Variants in DDHD1 observed in about 807,000 individuals in gnomAD.
DDHD1 encodes the protein DDHD domain containing 1.
DDHD1 carries 49 observed loss-of-function variants against 96.4 expected under a neutral mutation model. That is an observed-to-expected ratio of 0.51 (90% CI 0.40 to 0.64). The LOEUF (loss-of-function observed/expected upper bound fraction) is 0.64, where lower values mean the gene tolerates loss of function less well. Among genes scored for constraint, DDHD1 ranks in the 30% least tolerant of loss-of-function variants. The pLI is 0.00. For synonymous variants in DDHD1, 442 were observed against 446.5 expected (o/e 0.99, Z 0.13); for missense variants, 1,106 against 1,161.2 (o/e 0.95, Z 0.69).
chr14:53,055,992 CTGCATGTTAAGTAA>C, intron 9 of DDHD1, 80 bp from the exon 10 acceptor site: 1 of 1,212,196 alleles, frequency 8.2e-7, no homozygotes, highest in African/African-American at 1.5e-5. Context: ...TCTTACTCTA[CTGCATGTTAAGTAA>C]ACCTCCGAGA....
Position 53,152,316 on chromosome 14 carries a change from G to A in DDHD1, c.783C>T (p.Gly261=). ...GGGTCACATCCACCTCGTAGAGGCC[G>A]CCCCGCACGCACACAGGCTCGATGT... ...LVNIEPVCVR[G]GLYEVDVTQG... Residue 261 remains glycine (G), a synonymous_variant, in exon 1 of 13, where the codon GGC becomes GGT. Coordinates refer to ENST00000673822, the MANE Select transcript of DDHD1 (RefSeq NM_001160148.2). 6.2e-7 allele frequency: 1 copy of A among 1,613,898 alleles called. No homozygotes were observed. Among genetic ancestry groups the A allele is most frequent in the Non-Finnish European group, 8.5e-7 (1 of 1,179,894 alleles).
intron 1 of DDHD1, among the ~76,000 whole-genome samples, chr14:53,111,956 T>G (rs921915184): frequency 5.9e-5 from 9 of 152,346 alleles, no homozygotes; most frequent in Non-Finnish European, 1.2e-4. Flanking sequence ...AATTTACATT[T>G]TCAAGGCATT....
chr14:53,125,929 C>T (rs963995757), intron 1 of DDHD1, among the ~76,000 whole-genome samples: 1 of 152,150 alleles, frequency 6.6e-6, no homozygotes, highest in Non-Finnish European at 1.5e-5. Flanking sequence ...TCTCGAACTC[C>T]TGACCTCGTG....
intron 4 of DDHD1, among the ~76,000 whole-genome samples, chr14:53,087,903 G>C (rs891116246): frequency 6.6e-6 from 1 of 152,032 alleles, no homozygotes; most frequent in Admixed American, 6.5e-5. Flanking sequence ...CAACAAAATT[G>C]ATAGACCGCT....
chr14:53,094,094 G>T (rs1014360725), intron 2 of DDHD1, among the ~76,000 whole-genome samples: 1 of 151,630 alleles, frequency 6.6e-6, no homozygotes, highest in African/African-American at 2.4e-5. Flanking sequence ...GGAGAATGGC[G>T]TGAACCTGGG....
At chr14:53,091,005 T>G (rs1886388004) in intron 4 of DDHD1, among the ~76,000 whole-genome samples, 1 of 152,196 alleles carries the variant, frequency 6.6e-6, no homozygotes, top group Non-Finnish European at 1.5e-5. Context: ...TACTTTCTGG[T>G]ATCACACACT....
At chr14:53,133,417 A>G (rs1022799336) in intron 1 of DDHD1, among the ~76,000 whole-genome samples, 3 of 152,272 alleles carry the variant, frequency 2.0e-5, no homozygotes, top group African/African-American at 7.2e-5. Flanking sequence ...ATACAATCTG[A>G]TAACAGACCG....
At chr14:53,143,623 G>C (rs1890792085) in intron 1 of DDHD1, among the ~76,000 whole-genome samples, 1 of 152,154 alleles carries the variant, frequency 6.6e-6, no homozygotes, top group Non-Finnish European at 1.5e-5. Flanking sequence ...AAAGGCAGAG[G>C]ACAACAAAGG....
rs1269318569 is a variant in DDHD1 at position 53,041,765 on chromosome 14, T to G, written c.*5003A>C. On this transcript the variant is annotated 3_prime_UTR_variant, in exon 13 of 13. Transcript: ENST00000673822. ...AGTCTGTCCAGACCTGATAGGGTACTCTTATGAGAGTCTGGAAGAAAGAAG... is the reference window on the plus strand; with the variant it reads ...AGTCTGTCCAGACCTGATAGGGTACGCTTATGAGAGTCTGGAAGAAAGAAG... 6.6e-6 allele frequency: 1 copy of G among 152,300 alleles called. No individual in the cohort carries two copies. The highest frequency in any genetic ancestry group is 1.9e-4 in the East Asian group (1 of 5,188). The allele number at this position is 152,300 out of a possible 1,614,324, so 9.4% of individuals were successfully genotyped here. A position where few individuals can be genotyped will look rare whatever the true frequency, so the allele number is the denominator to read the frequency against.
chr14:53,088,528 A>G (rs1265363883), intron 4 of DDHD1, among the ~76,000 whole-genome samples: 1 of 152,228 alleles, frequency 6.6e-6, no homozygotes, highest in African/African-American at 2.4e-5. Context: ...ATGCAAATCA[A>G]TAAACGTAAT....
chr14:53,131,782 A>G (rs1001033505), intron 1 of DDHD1, among the ~76,000 whole-genome samples: 4 of 151,956 alleles, frequency 2.6e-5, no homozygotes, highest in Admixed American at 6.6e-5. Flanking sequence ...CCTCCTACAA[A>G]TCTTCCCAAC....
At chr14:53,070,104 C>A (rs1015588698) in intron 6 of DDHD1, among the ~76,000 whole-genome samples, 3 of 152,144 alleles carry the variant, frequency 2.0e-5, no homozygotes, top group Non-Finnish European at 2.9e-5. Context: ...AGGGGTACCA[C>A]CAACCATATA....
At chr14:53,075,059 T>TCCCTG (rs1884843627) in intron 4 of DDHD1, among the ~76,000 whole-genome samples, 1 of 152,152 alleles carries the variant, frequency 6.6e-6, no homozygotes, top group Admixed American at 6.6e-5. Context: ...TTCCGTATTA[T>TCCCTG]CCCTGAGACA....
In DDHD1 at chr14:53,126,198, GTATTTTTATGTA is replaced by G. The variant is rs1304067559; in HGVS notation, c.839-22354_839-22343del. Among the ~76,000 whole-genome samples the G allele has an allele frequency of 6.6e-5, 10 of 151,988 alleles. No homozygotes were observed. The South Asian group carries it at 1.2e-3, about 19-fold the overall frequency. Reference sequence around the variant, plus strand: ...TTTACCCAAGGTAAAAATATTTTCAGTATTTTTATGTATACATATTTACAAATTATGTATATA... The same window carrying G: ...TTTACCCAAGGTAAAAATATTTTCAGTACATATTTACAAATTATGTATATA... On this transcript the variant is annotated intron_variant, in intron 1 of 12. Transcript: ENST00000673822.
intron 9 of DDHD1, 99 bp downstream of exon 9, chr14:53,058,378 G>C: frequency 7.3e-7 from 1 of 1,361,242 alleles, no homozygotes; most frequent in Non-Finnish European, 1.0e-6. Flanking sequence ...GCCTCCCAAA[G>C]TGCTGGGATT....
intron 1 of DDHD1, among the ~76,000 whole-genome samples, chr14:53,132,963 T>C (rs941616980): frequency 6.6e-5 from 10 of 152,156 alleles, no homozygotes; most frequent in Admixed American, 5.2e-4. Context: ...TTTTCCCACA[T>C]AAGGCAAATG....
intron 12 of DDHD1, chr14:53,049,009 T>C (rs952738568): frequency 3.9e-5 from 6 of 152,222 alleles, no homozygotes; most frequent in Non-Finnish European, 1.5e-5. Context: ...TTCTGTTTTT[T>C]AAGTCAAAGA....
intron 9 of DDHD1, among the ~76,000 whole-genome samples, chr14:53,056,209 A>T (rs1392496534): frequency 6.6e-6 from 1 of 152,194 alleles, no homozygotes; most frequent in Non-Finnish European, 1.5e-5. Flanking sequence ...TCTTAGGAGC[A>T]AAGTTGAAGT....
intron 4 of DDHD1, among the ~76,000 whole-genome samples, chr14:53,084,181 C>T (rs919068812): frequency 5.3e-5 from 8 of 152,096 alleles, no homozygotes; most frequent in African/African-American, 1.9e-4. Flanking sequence ...AATTTGAACA[C>T]AAGATTATAT....
Sources: gnomAD v4.1 joint callset for allele counts (sites outside exome capture counted in the v4.1 genomes callset) on GRCh38, gnomAD v4.1.1 for gene constraint, MANE v1.5 for transcripts, NCBI Gene and HGNC (gene_info 2026-07-23, HGNC 2026-07-21) for gene names.